Variants in RIC1 observed in about 807,000 individuals in gnomAD.
RIC1 encodes the protein guanine nucleotide exchange factor subunit RIC1.
RIC1 carries 88 observed loss-of-function variants against 169.0 expected under a neutral mutation model. That is an observed-to-expected ratio of 0.52 (90% CI 0.44 to 0.62). RIC1 has a LOEUF of 0.62. Among genes scored for constraint, RIC1 ranks in the 20% least tolerant of loss-of-function variants. The pLI is 0.00. For synonymous variants in RIC1, 790 were observed against 601.5 expected (o/e 1.31, Z -4.59); for missense variants, 1,877 against 1,725.5 (o/e 1.09, Z -1.56).
rs1425394525 is a variant in RIC1, at chr9:5,773,048, C to G, written c.3951C>G (p.Leu1317=). The change falls in exon 25 of 26, where the codon CTC becomes CTG. Residue 1317 remains leucine (L), a synonymous_variant. Coordinates refer to ENST00000414202, the MANE Select transcript of RIC1 (RefSeq NM_020829.4). ...TGTTACAGAACATAAAGACAGGGCT[C>G]CATGCAGTGGACCGATGGGCCTCTA... is the stretch of plus-strand genomic sequence containing the variant. ...GEMLQNIKTG[L]HAVDRWASTD... is the part of the protein sequence containing the mutation. 1.9e-6 allele frequency: 3 copies of G among 1,613,108 alleles called. No individual in the cohort carries two copies. Among genetic ancestry groups the G allele is most frequent in the South Asian group, 2.2e-5 (2 of 90,918 alleles).
chr9:5,765,225 T>C (rs1826638882), intron 19 of RIC1, 189 bp from the exon 20 acceptor site: 8 of 559,178 alleles, frequency 1.4e-5, no homozygotes, highest in Non-Finnish European at 2.2e-5. Flanking sequence ...TAATAAATTA[T>C]AGTTTACATA....
rs1825924198 is a variant in RIC1 at position 5,755,023 on chromosome 9, G to C, written c.1692+93G>C. ...TATAGAAAATAGTCGATTGAAAACT[G>C]AACAAAACATTTTATTTTTTAATCA... On this transcript the variant is annotated intron_variant, in intron 15 of 25. Transcript: ENST00000414202. 8.7e-6 allele frequency: 6 copies of C among 691,550 alleles called. No homozygotes were observed. In the South Asian group the frequency reaches 2.0e-4, roughly 23 times the overall value. 42.8% of individuals were successfully genotyped at this position (691,550 alleles called of 1,614,324 possible). A position where few individuals can be genotyped will look rare whatever the true frequency, so the allele number is the denominator to read the frequency against.
chr9:5,691,242 C>G (rs530554429), intron 3 of RIC1, among the ~76,000 whole-genome samples: 1 of 151,980 alleles, frequency 6.6e-6, no homozygotes, highest in South Asian at 2.1e-4. Flanking sequence ...ATGACCATGA[C>G]TGTATAAAAC....
chr9:5,652,841 T>C (rs553770415), intron 1 of RIC1, among the ~76,000 whole-genome samples: 1 of 152,340 alleles, frequency 6.6e-6, no homozygotes, highest in Non-Finnish European at 1.5e-5. Context: ...TATGGGTTTG[T>C]CATATATGGC....
rs147866755 is a variant in RIC1 at position 5,732,396 on chromosome 9, T to C, written c.729T>C (p.His243=). Residue 243 remains histidine (H), a synonymous_variant, in exon 7 of 26, where the codon CAT becomes CAC. Transcript: ENST00000414202. The stretch of plus-strand genomic sequence containing the variant: ...ATTTTTCTTTATTATAGCAGCTTCA[T>C]GGAGTTTGGCCACAAGATGTTGTTG... ...VSSRFTAEQL[H]GVWPQDVVDG... 2.4e-5 allele frequency: 38 copies of C among 1,608,414 alleles called. No homozygotes were observed. The East Asian group carries it at 8.3e-4, about 35-fold the overall frequency.
downstream of RIC1, among the ~76,000 whole-genome samples, chr9:5,778,408 G>T (rs1827692902): frequency 6.6e-6 from 1 of 152,172 alleles, no homozygotes; most frequent in Non-Finnish European, 1.5e-5. Flanking sequence ...AAACGGTCCT[G>T]GCTAGAGCCA....
chr9:5,713,755 C>G (rs1298076717), intron 3 of RIC1, 141 bp from the exon 4 acceptor site: 5 of 510,174 alleles, frequency 9.8e-6, no homozygotes. Context: ...GAATTTAAGT[C>G]TGTTTTTCAT....
intron 2 of RIC1, among the ~76,000 whole-genome samples, chr9:5,684,422 T>C (rs190999950): frequency 2.6e-4 from 40 of 152,098 alleles, no homozygotes; most frequent in African/African-American, 7.0e-4. Flanking sequence ...TATTTCTCCA[T>C]TGAAGTATTT....
chr9:5,710,109 A>C (rs1357565854), intron 3 of RIC1, among the ~76,000 whole-genome samples: 1 of 152,172 alleles, frequency 6.6e-6, no homozygotes, highest in African/African-American at 2.4e-5. Context: ...AAGAGCATCA[A>C]ACTTGAGCGC....
At chr9:5,632,841 A>G (rs1384604369) in intron 1 of RIC1, among the ~76,000 whole-genome samples, 1 of 152,216 alleles carries the variant, frequency 6.6e-6, no homozygotes, top group East Asian at 1.9e-4. Context: ...GAAAGTCTAT[A>G]TATGTGAACA....
chr9:5,761,154 C>CTG (rs1826311941), intron 17 of RIC1, among the ~76,000 whole-genome samples: 1 of 141,516 alleles, frequency 7.1e-6, no homozygotes, highest in African/African-American at 2.7e-5. Context: ...TGCTCTGTCA[C>CTG]CCAGGCTAGA....
At chr9:5,672,662 AACTT>A (rs1179287790) in intron 2 of RIC1, among the ~76,000 whole-genome samples, 5 of 152,208 alleles carry the variant, frequency 3.3e-5, no homozygotes, top group Non-Finnish European at 7.4e-5. Flanking sequence ...TAATAGAAGA[AACTT>A]ACCTAGTTTA....
intron 7 of RIC1, among the ~76,000 whole-genome samples, chr9:5,738,214 G>A (rs1050946961): frequency 2.0e-5 from 3 of 151,986 alleles, no homozygotes; most frequent in African/African-American, 7.3e-5. Context: ...ATAGTACAAT[G>A]GACATTGTAC....
chr9:5,630,517 C>T (rs1012971862), intron 1 of RIC1, among the ~76,000 whole-genome samples: 2 of 152,048 alleles, frequency 1.3e-5, no homozygotes, highest in African/African-American at 2.4e-5. Flanking sequence ...CCTGTAATGC[C>T]CTTGACAGTC....
chr9:5,701,451 A>C (rs1161667679), intron 3 of RIC1, among the ~76,000 whole-genome samples: 3 of 152,116 alleles, frequency 2.0e-5, no homozygotes, highest in Non-Finnish European at 4.4e-5. Context: ...CGTCTCTACT[A>C]ACAATACAAA....
Position 5,756,346 on chromosome 9 carries a change from T to C in RIC1, c.1827T>C (p.Leu609=). The change falls in exon 16 of 26, where the codon CTT becomes CTC. Residue 609 remains leucine (L), a synonymous_variant. Coordinates refer to ENST00000414202, the MANE Select transcript of RIC1 (RefSeq NM_020829.4). ...IVFRADCSIC[L]YSIERKSDGP... ...TTAGAGCAGACTGTTCAATATGCCT[T>C]TACAGTATTGAAAGAAAATCTGATG... 6.5e-7 allele frequency: 1 copy of C among 1,532,682 alleles called. No homozygotes were observed. Among genetic ancestry groups the C allele is most frequent in the Non-Finnish European group, 8.8e-7 (1 of 1,130,786 alleles). 94.9% of individuals were successfully genotyped at this position (1,532,682 alleles called of 1,614,324 possible).
chr9:5,682,284 C>A (rs1820898117), intron 2 of RIC1, among the ~76,000 whole-genome samples: 1 of 152,178 alleles, frequency 6.6e-6, no homozygotes, highest in Non-Finnish European at 1.5e-5. Flanking sequence ...CATGTTTTTG[C>A]AGTGGCTGGT....
chr9:5,754,149 T>C (rs1188113142), intron 14 of RIC1, among the ~76,000 whole-genome samples: 2 of 152,174 alleles, frequency 1.3e-5, no homozygotes, highest in African/African-American at 4.8e-5. Flanking sequence ...ATCTTACTCA[T>C]CTGCACAGCA....
chr9:5,641,124 C>G (rs962819729), intron 1 of RIC1, among the ~76,000 whole-genome samples: 6 of 147,746 alleles, frequency 4.1e-5, no homozygotes, highest in Admixed American at 2.7e-4. Context: ...CGGGGTCTTG[C>G]TCTGTCACCC....
Sources: allele counts gnomAD v4.1 joint callset (sites outside exome capture counted in the v4.1 genomes callset), GRCh38; gene constraint gnomAD v4.1.1; transcripts MANE v1.5; gene names NCBI Gene and HGNC (gene_info 2026-07-23, HGNC 2026-07-21).